IQSEC1: variants seen among roughly 807,000 people sequenced by gnomAD.
The protein encoded by IQSEC1 is IQ motif and Sec7 domain ArfGEF 1, also known as IQ motif and SEC7 domain-containing protein 1.
Under a neutral mutation model 91.0 loss-of-function variants are expected in IQSEC1, and 31 were observed. The observed-to-expected ratio is 0.34, with a 90% CI of 0.26 to 0.46. The LOEUF (loss-of-function observed/expected upper bound fraction) is 0.46, where lower values mean the gene tolerates loss of function less well. IQSEC1 is among the 20% of genes least tolerant of loss of function. The pLI, the probability that IQSEC1 is intolerant of heterozygous loss-of-function variation, is 1.00. For missense variants in IQSEC1, 1,388 were observed against 1,575.6 expected (o/e 0.88, Z 2.02); for synonymous variants, 699 against 662.6 (o/e 1.05, Z -0.84).
intron 2 of IQSEC1, among the ~76,000 whole-genome samples, chr3:13,100,517 T>G (rs1164057155): frequency 2.0e-5 from 3 of 148,722 alleles, no homozygotes; most frequent in Non-Finnish European, 4.5e-5. Flanking sequence ...AACACCTCCT[T>G]GAGCTCCGCC....
At chr3:13,056,144 T>G (rs1704872444) in intron 1 of IQSEC1, among the ~76,000 whole-genome samples, 1 of 152,158 alleles carries the variant, frequency 6.6e-6, no homozygotes. Flanking sequence ...ACCAAGCCTG[T>G]GTGTCGGTGT....
At chr3:13,028,407 A>T (rs1304625212) in intron 1 of IQSEC1, among the ~76,000 whole-genome samples, 2 of 152,190 alleles carry the variant, frequency 1.3e-5, no homozygotes, top group African/African-American at 2.4e-5. Context: ...GTATAAAGAC[A>T]ATTGCACAGT....
chr3:12,900,708 G>C lies in IQSEC1; in HGVS notation c.*275C>G. 7.2e-7 allele frequency: 1 copy of C among 1,383,030 alleles called. No homozygotes were observed. The highest frequency in any genetic ancestry group is 3.3e-5 in the Admixed American group (1 of 30,498). The allele number at this position is 1,383,030 out of a possible 1,614,324, so 85.7% of individuals were successfully genotyped here. A position where few individuals can be genotyped will look rare whatever the true frequency, so the allele number is the denominator to read the frequency against. On this transcript the variant is annotated 3_prime_UTR_variant, in exon 14 of 14. Coordinates refer to ENST00000613206, the MANE Select transcript of IQSEC1 (RefSeq NM_001134382.3). ...GGAGGCAGTTCAACACTACTTGGCT[G>C]GCTCACCGTTTCAAGGCTGATGGTG...
At chr3:13,264,343 G>A (rs769928125) in intron 1 of IQSEC1, among the ~76,000 whole-genome samples, 20 of 152,310 alleles carry the variant, frequency 1.3e-4, no homozygotes, top group East Asian at 3.9e-4. Context: ...GATGCCCACC[G>A]GAGGCCGAGG....
chr3:12,927,580 T>C (rs1322232239), intron 3 of IQSEC1, among the ~76,000 whole-genome samples: 2 of 152,192 alleles, frequency 1.3e-5, no homozygotes, highest in Non-Finnish European at 2.9e-5. Context: ...CTGATGTGGA[T>C]GTGCCACATC....
At chr3:12,956,874 G>A (rs1238759932) in intron 1 of IQSEC1, among the ~76,000 whole-genome samples, 3 of 152,164 alleles carry the variant, frequency 2.0e-5, no homozygotes, top group African/African-American at 7.2e-5. Context: ...TCTTCACAAC[G>A]GGTGTCACTC....
intron 1 of IQSEC1, among the ~76,000 whole-genome samples, chr3:13,218,211 C>T (rs974659786): frequency 2.6e-5 from 4 of 152,224 alleles, no homozygotes; most frequent in African/African-American, 7.2e-5. Context: ...ACCTATGGTG[C>T]TCCCAGGTGT....
intron 2 of IQSEC1, among the ~76,000 whole-genome samples, chr3:13,153,245 A>G (rs1288576674): frequency 6.6e-6 from 1 of 152,096 alleles, no homozygotes; most frequent in Non-Finnish European, 1.5e-5. Flanking sequence ...AGTCTGGTCC[A>G]GCGGAAGTTG....
chr3:13,259,939 T>C lies in IQSEC1; in HGVS notation c.272+22772A>G, dbSNP rs1324324964. ...CTGCTTGCAATTAAGCAGATCTGCT[T>C]TCAAAATATGACTAATTAGAACAGT... On this transcript the variant is annotated intron_variant, in intron 1 of 15. Coordinates refer to the IQSEC1 transcript ENST00000648114. This position sits in a 1 kb window ranked among gnomAD's most constrained non-coding sequence, Gnocchi z 4.6. 2.0e-5 allele frequency among the ~76,000 whole-genome samples: 3 copies of C among 152,278 alleles called. No individual in the cohort carries two copies. The highest frequency in any genetic ancestry group is 4.4e-5 in the Non-Finnish European group (3 of 68,052).
intron 1 of IQSEC1, among the ~76,000 whole-genome samples, chr3:13,164,170 C>G (rs958253114): frequency 6.6e-6 from 1 of 152,176 alleles, no homozygotes; most frequent in South Asian, 2.1e-4. Flanking sequence ...AGCCCAGAAC[C>G]CTCTGCTCCG....
At chr3:13,221,257 A>G (rs1025864896) in intron 1 of IQSEC1, among the ~76,000 whole-genome samples, 3 of 152,164 alleles carry the variant, frequency 2.0e-5, no homozygotes, top group Admixed American at 1.3e-4. Flanking sequence ...GAGGGTGGAC[A>G]CAGGCTTCAG....
At chr3:13,118,332 G>A (rs1706369076) in intron 2 of IQSEC1, among the ~76,000 whole-genome samples, 2 of 152,180 alleles carry the variant, frequency 1.3e-5, no homozygotes, top group African/African-American at 4.8e-5. Flanking sequence ...AGAACTGAAA[G>A]CAGGGTCTCG....
chr3:13,236,982 C>T (rs373827435), intron 1 of IQSEC1, among the ~76,000 whole-genome samples: 1 of 152,244 alleles, frequency 6.6e-6, no homozygotes, highest in East Asian at 1.9e-4. Flanking sequence ...GGCCCCACAC[C>T]TGGCTCACAA....
At chr3:12,902,866 G>A in intron 12 of IQSEC1, 44 bp from the exon 13 acceptor site, 1 of 1,414,234 alleles carries the variant, frequency 7.1e-7, no homozygotes, top group East Asian at 2.3e-5. Context: ...CGGACATGAG[G>A]CTGGGGGTGC....
intron 2 of IQSEC1, among the ~76,000 whole-genome samples, chr3:13,125,490 G>C (rs368978924): frequency 2.6e-5 from 4 of 152,206 alleles, no homozygotes; most frequent in Non-Finnish European, 4.4e-5. Flanking sequence ...ACAGGGCTTG[G>C]GCAGTGCTGG....
At chr3:13,022,161 A>C (rs1292193869) in intron 1 of IQSEC1, 2 of 1,231,620 alleles carry the variant, frequency 1.6e-6, no homozygotes, top group Non-Finnish European at 2.0e-6. Context: ...CACCACCCAG[A>C]GTCTCCTCCT....
Position 12,908,612 on chromosome 3 carries a change from G to T in IQSEC1, c.2579-87C>A. 1 of 1,394,446 alleles carries T rather than the reference G, an allele frequency of 7.2e-7. No individual in the cohort carries two copies. The allele number at this position is 1,394,446 out of a possible 1,614,324, so 86.4% of individuals were successfully genotyped here. On this transcript the variant is annotated intron_variant, in intron 11 of 13. Coordinates refer to ENST00000613206, the MANE Select transcript of IQSEC1 (RefSeq NM_001134382.3). This position sits in a 1 kb window ranked among gnomAD's most constrained non-coding sequence, Gnocchi z 4.9. ...GGGCCTTCTGCTTGGAGCTAGCACTGTCCTGAGCCACCATCTGCTTGGAAT... is the reference window on the plus strand; with the variant it reads ...GGGCCTTCTGCTTGGAGCTAGCACTTTCCTGAGCCACCATCTGCTTGGAAT...
rs1285882049 is a variant in IQSEC1 at position 12,900,828 on chromosome 3, C to T, written c.*155G>A. On this transcript the variant is annotated 3_prime_UTR_variant, in exon 14 of 14. Transcript: ENST00000613206. ...GCCTTTGTTCCACACAACACCAGCC[C>T]TGTGGGCTCCTGGGGCTCCGGTTGG... 4 of 1,507,876 alleles carry T rather than the reference C, an allele frequency of 2.7e-6. No homozygotes were observed. The highest frequency in any genetic ancestry group is 2.6e-6 in the Non-Finnish European group (3 of 1,133,566). 93.4% of individuals were successfully genotyped at this position (1,507,876 alleles called of 1,614,324 possible). A position where few individuals can be genotyped will look rare whatever the true frequency, so the allele number is the denominator to read the frequency against.
In IQSEC1 at chr3:12,897,162, A is replaced by AG. The variant is rs1322872059; in HGVS notation, c.*3820dup. On this transcript the variant is annotated 3_prime_UTR_variant, in exon 14 of 14. Transcript: ENST00000613206. Reference sequence around the variant, plus strand: ...AGTAATGGGGAAACTCATCAGCTGGAGATCTGGGTCTGGCCAACAGGGCAA... The same window carrying AG: ...AGTAATGGGGAAACTCATCAGCTGGAGGATCTGGGTCTGGCCAACAGGGCAA... The AG allele has an allele frequency of 6.6e-6, 1 of 152,268 alleles. No homozygotes were observed. Among genetic ancestry groups the AG allele is most frequent in the Non-Finnish European group, 1.5e-5 (1 of 68,040 alleles). The allele number at this position is 152,268 out of a possible 1,614,324, so 9.4% of individuals were successfully genotyped here. A position where few individuals can be genotyped will look rare whatever the true frequency, so the allele number is the denominator to read the frequency against.
Sources: allele counts gnomAD v4.1 joint callset (sites outside exome capture counted in the v4.1 genomes callset), GRCh38; gene constraint gnomAD v4.1.1; non-coding constraint Gnocchi (gnomAD v3.1); transcripts MANE v1.5; gene names NCBI Gene and HGNC (gene_info 2026-07-23, HGNC 2026-07-21).